Variants in TAAR5 observed in about 807,000 individuals in gnomAD.
TAAR5 encodes the protein trace amine-associated receptor 5.
A neutral mutation model predicts 21.1 loss-of-function variants in TAAR5; 27 were observed. That is an observed-to-expected ratio of 1.28 (90% confidence interval 0.94 to 1.76). TAAR5 has a LOEUF of 1.76. Ranked by LOEUF, TAAR5 falls within the 40% of genes most tolerant of loss-of-function variation. The pLI, the probability that TAAR5 is intolerant of heterozygous loss-of-function variation, is 0.00. For missense variants in TAAR5, 495 were observed against 405.6 expected (o/e 1.22, Z -1.89); for synonymous variants, 203 against 167.5 (o/e 1.21, Z -1.64).
upstream of TAAR5, among the ~76,000 whole-genome samples, chr6:132,592,537 T>A (rs1776921323): frequency 6.6e-6 from 1 of 152,192 alleles, no homozygotes; most frequent in African/African-American, 2.4e-5. Context: ...CAAATTGTAA[T>A]CCTCAGTGTT....
At chr6:132,605,816 T>C in the TAAR5 span, among the ~76,000 whole-genome samples, 783 of 145,256 alleles carry the variant, frequency 5.4e-3, 7 homozygotes, top group African/African-American at 0.02. Flanking sequence ...TGTATGTTCA[T>C]CTCAGCACTA....
chr6:132,589,976 T>A (rs1430213920), upstream of TAAR5, among the ~76,000 whole-genome samples: 1 of 152,124 alleles, frequency 6.6e-6, no homozygotes, highest in East Asian at 1.9e-4. Context: ...GTAGGTAGTA[T>A]TCTTAAAGAA....
chr6:132,592,305 G>T (rs1026308956), upstream of TAAR5, among the ~76,000 whole-genome samples: 20 of 152,226 alleles, frequency 1.3e-4, no homozygotes, highest in African/African-American at 4.8e-4. Flanking sequence ...TAATGAGGCT[G>T]TGCTAATTAT....
chr6:132,615,949 A>T, the TAAR5 span, among the ~76,000 whole-genome samples: 1 of 151,816 alleles, frequency 6.6e-6, no homozygotes, highest in African/African-American at 2.4e-5. Flanking sequence ...ATGAGGCTAT[A>T]CTTAGCCTCG....
chr6:132,600,995 G>GGGAAAGAAGGAAGGAAGGAGGGAA, the TAAR5 span, among the ~76,000 whole-genome samples: 1 of 56,938 alleles, frequency 1.8e-5, no homozygotes, highest in African/African-American at 1.0e-4. Flanking sequence ...GAAGGAAGGA[G>GGGAAAGAAGGAAGGAAGGAGGGAA]GGAAGGAGGG....
the TAAR5 span, among the ~76,000 whole-genome samples, chr6:132,605,421 C>T: frequency 1.3e-5 from 2 of 152,176 alleles, no homozygotes; most frequent in Non-Finnish European, 2.9e-5. Context: ...CGGTTTCATT[C>T]AGCTAGTTAG....
the TAAR5 span, among the ~76,000 whole-genome samples, chr6:132,604,515 A>C: frequency 6.6e-6 from 1 of 152,082 alleles, no homozygotes; most frequent in Non-Finnish European, 1.5e-5. Flanking sequence ...AATTAAAAAA[A>C]AAATTAGCCA....
chr6:132,605,148 C>G, the TAAR5 span, among the ~76,000 whole-genome samples: 3,829 of 152,316 alleles, frequency 0.025, 85 homozygotes, highest in Admixed American at 0.047. Flanking sequence ...TTGTACAGAC[C>G]AGCCCCATGC....
At chr6:132,594,229 C>T (rs1776945405), upstream of TAAR5, among the ~76,000 whole-genome samples, 1 of 152,102 alleles carries the variant, frequency 6.6e-6, no homozygotes, top group South Asian at 2.1e-4. Flanking sequence ...GCTTTGGTAG[C>T]TTTAGTATAC....
At chr6:132,607,247 A>G in the TAAR5 span, among the ~76,000 whole-genome samples, 1 of 151,958 alleles carries the variant, frequency 6.6e-6, no homozygotes, top group African/African-American at 2.4e-5. Flanking sequence ...AGAAAAGGGA[A>G]CATTCTACTC....
the TAAR5 span, among the ~76,000 whole-genome samples, chr6:132,598,073 G>A: frequency 6.6e-6 from 1 of 152,116 alleles, no homozygotes; most frequent in African/African-American, 2.4e-5. Context: ...AGGGGAGGAC[G>A]TATCATACCT....
the TAAR5 span, among the ~76,000 whole-genome samples, chr6:132,606,768 C>T: frequency 6.6e-6 from 1 of 152,118 alleles, no homozygotes; most frequent in Non-Finnish European, 1.5e-5. Context: ...GATAATTTTC[C>T]ATGATTGGAT....
the TAAR5 span, among the ~76,000 whole-genome samples, chr6:132,596,579 G>A: frequency 2.6e-5 from 4 of 152,048 alleles, no homozygotes; most frequent in African/African-American, 9.7e-5. Flanking sequence ...CTCCAATACT[G>A]TATATTATTT....
the TAAR5 span, among the ~76,000 whole-genome samples, chr6:132,599,639 T>A: frequency 1.3e-5 from 2 of 152,160 alleles, no homozygotes. Flanking sequence ...CAAAGCTTGC[T>A]CTTGTAGAAA....
the TAAR5 span, among the ~76,000 whole-genome samples, chr6:132,597,183 G>A: frequency 4.6e-5 from 7 of 151,832 alleles, no homozygotes; most frequent in Non-Finnish European, 8.8e-5. Context: ...TGAAAAACAT[G>A]GCATGAAACA....
chr6:132,599,084 T>G, the TAAR5 span, among the ~76,000 whole-genome samples: 2 of 152,088 alleles, frequency 1.3e-5, no homozygotes, highest in Admixed American at 6.6e-5. Flanking sequence ...CAAATAAAGG[T>G]CTTAGCCCAA....
upstream of TAAR5, among the ~76,000 whole-genome samples, chr6:132,593,715 A>G (rs1312107344): frequency 6.6e-6 from 1 of 152,244 alleles, no homozygotes; most frequent in South Asian, 2.1e-4. Context: ...CAGGCTGCAT[A>G]CATACATGGA....
Position 132,589,201 on chromosome 6 carries a change from G to A in TAAR5, c.486C>T (p.Pro162=), listed in dbSNP as rs781289046. The A allele has an allele frequency of 2.0e-5, 32 of 1,605,214 alleles. No homozygotes were observed. The highest frequency in any genetic ancestry group is 1.0e-4 in the South Asian group (9 of 89,000). The change falls in exon 1 of 1, where the codon CCC becomes CCT. Residue 162 remains proline (P), a synonymous_variant. Coordinates refer to ENST00000258034, the MANE Select transcript of TAAR5 (RefSeq NM_003967.3). ...LRYILAGWGV[P]AAYTSLFLYT... ...AGAGGAATAACGAAGTGTATGCTGC[G>A]GGCACCCCCCATCCTGCCAGGATGT...
chr6:132,592,226 C>T (rs1266869385), upstream of TAAR5, among the ~76,000 whole-genome samples: 1 of 152,204 alleles, frequency 6.6e-6, no homozygotes, highest in Non-Finnish European at 1.5e-5. Context: ...TGTGTAGCCT[C>T]CTCTGCACTT....
Sources: gnomAD v4.1 joint callset for allele counts (sites outside exome capture counted in the v4.1 genomes callset) on GRCh38, gnomAD v4.1.1 for gene constraint, MANE v1.5 for transcripts, NCBI Gene and HGNC (gene_info 2026-07-23, HGNC 2026-07-21) for gene names.